The following TFCP2L1 variants were observed in gnomAD, a reference collection of about 807,000 sequenced individuals.
TFCP2L1 encodes transcription factor CP2 like 1.
In TFCP2L1, 12 loss-of-function variants were observed where a neutral mutation model predicts 72.2. The ratio of observed to expected loss-of-function variants is 0.17; its 90% CI spans 0.11 to 0.27. The LOEUF (loss-of-function observed/expected upper bound fraction) is 0.27, where lower values mean the gene tolerates loss of function less well. TFCP2L1 is among the 10% of genes least tolerant of loss of function. The pLI is 1.00. For missense variants in TFCP2L1, 488 were observed against 624.6 expected (o/e 0.78, Z 2.33); for synonymous variants, 260 against 251.0 (o/e 1.04, Z -0.34).
At chr2:121,249,113 CAA>C (rs1469023565) in intron 3 of TFCP2L1, 26 bp from the exon 4 acceptor site, 1 of 1,511,606 alleles carries the variant, frequency 6.6e-7, no homozygotes, top group South Asian at 1.3e-5. Context: ...AGCAGGGAAA[CAA>C]GTGACCGCGG....
At chr2:121,255,781 C>T (rs558087300) in intron 2 of TFCP2L1, among the ~76,000 whole-genome samples, 1 of 150,596 alleles carries the variant, frequency 6.6e-6, no homozygotes, top group Non-Finnish European at 1.5e-5. Context: ...CTCGCTCTGT[C>T]GCCCAGGCTG....
intron 8 of TFCP2L1, among the ~76,000 whole-genome samples, chr2:121,238,257 G>A (rs1187993811): frequency 6.6e-6 from 1 of 152,126 alleles, no homozygotes; most frequent in African/African-American, 2.4e-5. Flanking sequence ...CCAAACTCAA[G>A]GGTCCTCCAC....
In TFCP2L1 at chr2:121,219,289, C is replaced by G. The variant is rs1204149510; in HGVS notation, c.*5052G>C. ...AAGGGAACAGCAGTCATCTCCACAC[C>G]TTGCCAAGCTGAGGCTGCTTCTGGC... On this transcript the variant is annotated 3_prime_UTR_variant, in exon 15 of 15. Coordinates refer to ENST00000263707, the MANE Select transcript of TFCP2L1 (RefSeq NM_014553.3). The G allele has an allele frequency of 1.3e-5, 2 of 152,276 alleles. No individual in the cohort carries two copies. The highest frequency in any genetic ancestry group is 3.8e-4 in the East Asian group (2 of 5,198). The allele number at this position is 152,276 out of a possible 1,614,324, so 9.4% of individuals were successfully genotyped here.
At position 121,285,153 on chromosome 2, in the gene TFCP2L1, C is replaced by T; in HGVS notation, c.-44G>A. 1 of 1,435,904 alleles carries T rather than the reference C, an allele frequency of 7.0e-7. No individual in the cohort carries two copies. The highest frequency in any genetic ancestry group is 9.2e-7 in the Non-Finnish European group (1 of 1,091,012). The allele number at this position is 1,435,904 out of a possible 1,614,324, so 88.9% of individuals were successfully genotyped here. ...GCCGACCGGGGCGCGGCAGCAAGCGCAGACGCGGGGCGCGCCGAGGACCCA... is the reference window on the plus strand; with the variant it reads ...GCCGACCGGGGCGCGGCAGCAAGCGTAGACGCGGGGCGCGCCGAGGACCCA... On this transcript the variant is annotated 5_prime_UTR_variant, in exon 1 of 15. Coordinates refer to ENST00000263707, the MANE Select transcript of TFCP2L1 (RefSeq NM_014553.3).
At chr2:121,252,290 C>T (rs572072312) in intron 2 of TFCP2L1, among the ~76,000 whole-genome samples, 1 of 152,248 alleles carries the variant, frequency 6.6e-6, no homozygotes, top group African/African-American at 2.4e-5. Flanking sequence ...CAAGTGATCC[C>T]CCAGCCTTGG....
At chr2:121,261,180 T>TGAA (rs756128683) in intron 2 of TFCP2L1, among the ~76,000 whole-genome samples, 23 of 152,212 alleles carry the variant, frequency 1.5e-4, no homozygotes, top group Non-Finnish European at 3.2e-4. Context: ...ATCCTGAGCC[T>TGAA]GATGGACTAT....
At chr2:121,239,240 T>C (rs960931776) in intron 8 of TFCP2L1, among the ~76,000 whole-genome samples, 6 of 152,148 alleles carry the variant, frequency 3.9e-5, no homozygotes, top group African/African-American at 1.4e-4. Flanking sequence ...AGCTGCTCCC[T>C]AAGGCACCAC....
chr2:121,234,324 G>T, intron 11 of TFCP2L1, 130 bp from the exon 12 acceptor site: 1 of 826,566 alleles, frequency 1.2e-6, no homozygotes. Flanking sequence ...GACGTGGAGT[G>T]CCTGTCATGG....
chr2:121,266,895 T>G, intron 2 of TFCP2L1, among the ~76,000 whole-genome samples: 1 of 124,474 alleles, frequency 8.0e-6, no homozygotes, highest in Admixed American at 7.2e-5. Flanking sequence ...ATTTATTTAT[T>G]TATTTATTTA....
At chr2:121,273,157 A>T (rs1170312760) in intron 2 of TFCP2L1, among the ~76,000 whole-genome samples, 1 of 151,868 alleles carries the variant, frequency 6.6e-6, no homozygotes, top group African/African-American at 2.4e-5. Flanking sequence ...TCATTACTAT[A>T]CTTAAGACTC....
rs1685875036 is a variant in TFCP2L1, at chr2:121,218,591, T to C, written c.*5750A>G. On this transcript the variant is annotated 3_prime_UTR_variant, in exon 15 of 15. Coordinates refer to ENST00000263707, the MANE Select transcript of TFCP2L1 (RefSeq NM_014553.3). Reference sequence around the variant, plus strand: ...CTGGCCCTTCGCTGGGGGACATGGTTTGGTTTCCCCATCGCCAGGCTGGCC... The same window carrying C: ...CTGGCCCTTCGCTGGGGGACATGGTCTGGTTTCCCCATCGCCAGGCTGGCC... 6.6e-6 allele frequency: 1 copy of C among 152,328 alleles called. No individual in the cohort carries two copies. Among genetic ancestry groups the C allele is most frequent in the African/African-American group, 2.4e-5 (1 of 41,452 alleles). 9.4% of individuals were successfully genotyped at this position (152,328 alleles called of 1,614,324 possible). A position where few individuals can be genotyped will look rare whatever the true frequency, so the allele number is the denominator to read the frequency against.
chr2:121,231,654 G>C (rs1686145427), intron 13 of TFCP2L1, among the ~76,000 whole-genome samples, 172 bp downstream of exon 13: 1 of 152,278 alleles, frequency 6.6e-6, no homozygotes, highest in African/African-American at 2.4e-5. Flanking sequence ...TTTGGACCCA[G>C]ACGGGGCCTC....
intron 2 of TFCP2L1, among the ~76,000 whole-genome samples, chr2:121,271,216 A>G (rs1687041895): frequency 6.6e-6 from 1 of 152,056 alleles, no homozygotes; most frequent in African/African-American, 2.4e-5. Flanking sequence ...AAAAAAAACA[A>G]AAAAGCAAGG....
chr2:121,282,477 T>C (rs1036842121), intron 1 of TFCP2L1, among the ~76,000 whole-genome samples: 6 of 151,396 alleles, frequency 4.0e-5, no homozygotes, highest in South Asian at 2.1e-4. Flanking sequence ...AGCCAGGGGT[T>C]TGAGATCAGC....
At chr2:121,227,410 G>A (rs755673233) in intron 13 of TFCP2L1, among the ~76,000 whole-genome samples, 2 of 152,172 alleles carry the variant, frequency 1.3e-5, no homozygotes, top group Non-Finnish European at 2.9e-5. Flanking sequence ...GGCCGGGCGC[G>A]GTGGCTCACG....
intron 2 of TFCP2L1, among the ~76,000 whole-genome samples, chr2:121,275,218 A>G (rs1391276586): frequency 6.6e-6 from 1 of 151,896 alleles, no homozygotes; most frequent in African/African-American, 2.4e-5. Flanking sequence ...CCCCATCTCT[A>G]CTAAAAATAC....
chr2:121,268,670 A>T (rs1323187579), intron 2 of TFCP2L1, among the ~76,000 whole-genome samples: 2 of 151,874 alleles, frequency 1.3e-5, no homozygotes, highest in Non-Finnish European at 2.9e-5. Context: ...GGGAGAAGAG[A>T]AGAACCAGAC....
intron 10 of TFCP2L1, among the ~76,000 whole-genome samples, chr2:121,237,217 C>T (rs1686267697): frequency 6.6e-6 from 1 of 152,230 alleles, no homozygotes; most frequent in Admixed American, 6.5e-5. Context: ...TCTGTCTCAC[C>T]TGTGGCCTCA....
intron 2 of TFCP2L1, among the ~76,000 whole-genome samples, chr2:121,278,328 G>A (rs887451877): frequency 6.0e-5 from 9 of 150,130 alleles, no homozygotes; most frequent in Non-Finnish European, 1.2e-4. Flanking sequence ...GAGCCACTGC[G>A]CCCGGCCCTT....
Sources: allele counts gnomAD v4.1 joint callset (sites outside exome capture counted in the v4.1 genomes callset), GRCh38; gene constraint gnomAD v4.1.1; transcripts MANE v1.5; gene names NCBI Gene and HGNC (gene_info 2026-07-23, HGNC 2026-07-21).